CMSS1: variants seen among roughly 807,000 people sequenced by gnomAD.
The protein encoded by CMSS1 is protein CMSS1.
A neutral mutation model predicts 43.5 loss-of-function variants in CMSS1; 33 were observed. The observed-to-expected ratio is 0.76, with a 90% CI of 0.57 to 1.01. CMSS1 has a LOEUF of 1.01. CMSS1 is among the 50% of genes least tolerant of loss of function. The probability of loss-of-function intolerance (pLI) is 0.00; values close to 1 mark genes in which losing one functional copy is unlikely to be tolerated. For synonymous variants in CMSS1, 115 were observed against 117.2 expected (o/e 0.98, Z 0.12); for missense variants, 313 against 326.4 (o/e 0.96, Z 0.32).
At chr3:100,081,609 G>A (rs1252543029) in intron 1 of CMSS1, among the ~76,000 whole-genome samples, 1 of 152,172 alleles carries the variant, frequency 6.6e-6, no homozygotes, top group African/African-American at 2.4e-5. Context: ...TTGCCTCCTT[G>A]AAGTCTGCAT....
At chr3:100,109,031 C>G (rs1438829781) in intron 1 of CMSS1, among the ~76,000 whole-genome samples, 1 of 150,648 alleles carries the variant, frequency 6.6e-6, no homozygotes, top group Admixed American at 6.6e-5. Flanking sequence ...CGGTATTATA[C>G]AAGAACAGAG....
At chr3:100,083,473 G>A (rs895965013) in intron 1 of CMSS1, among the ~76,000 whole-genome samples, 12 of 152,282 alleles carry the variant, frequency 7.9e-5, no homozygotes, top group Admixed American at 2.0e-4. Flanking sequence ...CAAGCTCTCC[G>A]TCTGATTCTA....
intron 2 of CMSS1, among the ~76,000 whole-genome samples, chr3:100,152,794 T>C (rs2066932067): frequency 6.6e-6 from 1 of 152,224 alleles, no homozygotes; most frequent in South Asian, 2.1e-4. Context: ...CTAAACTTTC[T>C]ACCACTGCAT....
chr3:99,865,970 C>A (rs1944492141), intron 1 of CMSS1, among the ~76,000 whole-genome samples: 1 of 151,672 alleles, frequency 6.6e-6, no homozygotes, highest in South Asian at 2.1e-4. Context: ...TTTTCTCTTC[C>A]CAGGTCACAG....
chr3:99,962,996 C>T (rs1408136784), intron 1 of CMSS1, among the ~76,000 whole-genome samples: 1 of 152,186 alleles, frequency 6.6e-6, no homozygotes, highest in East Asian at 1.9e-4. Context: ...AGAGATTGCT[C>T]TCTTGATGGA....
chr3:99,931,633 C>G (rs931209110), intron 1 of CMSS1, among the ~76,000 whole-genome samples: 3 of 152,126 alleles, frequency 2.0e-5, no homozygotes, highest in Non-Finnish European at 4.4e-5. Flanking sequence ...TGGCTGTATT[C>G]CTGTATTCCT....
At chr3:99,987,385 G>A (rs113639012) in intron 1 of CMSS1, among the ~76,000 whole-genome samples, 11,538 of 151,236 alleles carry the variant, frequency 0.076, 556 homozygotes, top group Admixed American at 0.11. Flanking sequence ...AAAAATTAAC[G>A]GGGTGTGGTG....
intron 1 of CMSS1, among the ~76,000 whole-genome samples, chr3:100,049,024 A>G (rs2065325104): frequency 6.6e-6 from 1 of 152,216 alleles, no homozygotes; most frequent in Non-Finnish European, 1.5e-5. Context: ...GAGTATAGCA[A>G]ACAAAAGGGC....
At chr3:100,109,088 A>T (rs1348135668) in intron 1 of CMSS1, among the ~76,000 whole-genome samples, 12 of 49,108 alleles carry the variant, frequency 2.4e-4, no homozygotes, top group Non-Finnish European at 4.4e-4. Flanking sequence ...ACTGTCTCTT[A>T]AAAAAAAAAA....
chr3:100,091,329 G>A (rs1559754331), intron 1 of CMSS1, among the ~76,000 whole-genome samples: 1 of 151,960 alleles, frequency 6.6e-6, no homozygotes. Flanking sequence ...CCTTTAAGGG[G>A]TGTGCATGTA....
chr3:100,087,099 C>A (rs1015181409), intron 1 of CMSS1, among the ~76,000 whole-genome samples: 2 of 152,126 alleles, frequency 1.3e-5, no homozygotes, highest in South Asian at 4.1e-4. Flanking sequence ...AATCCAATTA[C>A]GAGTTGAAGG....
chr3:99,822,955 A>G (rs1321285999), intron 1 of CMSS1, among the ~76,000 whole-genome samples: 1 of 152,170 alleles, frequency 6.6e-6, no homozygotes, highest in East Asian at 1.9e-4. Flanking sequence ...AATTTAATTC[A>G]CCCAATACTA....
intron 1 of CMSS1, among the ~76,000 whole-genome samples, chr3:100,022,082 T>C (rs1051349348): frequency 2.0e-5 from 3 of 152,088 alleles, no homozygotes; most frequent in Non-Finnish European, 4.4e-5. Context: ...ACACACATTA[T>C]AAAATTTACA....
At chr3:99,927,393 G>T (rs1191584041) in intron 1 of CMSS1, among the ~76,000 whole-genome samples, 2 of 150,578 alleles carry the variant, frequency 1.3e-5, no homozygotes, top group Non-Finnish European at 3.0e-5. Context: ...TTTTGAGACG[G>T]AGTTTCGCTT....
At chr3:100,091,284 CAAA>C (rs570908389) in intron 1 of CMSS1, among the ~76,000 whole-genome samples, 7 of 59,086 alleles carry the variant, frequency 1.2e-4, no homozygotes, top group Admixed American at 3.4e-4. Flanking sequence ...GACTCCGTCT[CAAA>C]AAAAAAAAAA....
chr3:100,152,191 A>G (rs556257170), intron 2 of CMSS1, among the ~76,000 whole-genome samples: 1 of 151,570 alleles, frequency 6.6e-6, no homozygotes, highest in African/African-American at 2.4e-5. Context: ...TTGTCCTCCA[A>G]TTATCCTTCT....
intron 2 of CMSS1, among the ~76,000 whole-genome samples, chr3:100,156,237 G>T (rs1053000513): frequency 6.7e-6 from 1 of 149,396 alleles, no homozygotes; most frequent in Admixed American, 6.7e-5. Context: ...AGGTCCTCCT[G>T]CCTCAGCCTC....
chr3:100,148,073 T>C (rs72936581), intron 2 of CMSS1, among the ~76,000 whole-genome samples: 1 of 152,186 alleles, frequency 6.6e-6, no homozygotes, highest in African/African-American at 2.4e-5. Context: ...TCTATGTGAT[T>C]TGGGGTTTTG....
chr3:100,159,979 A>AT (rs2067009115), intron 2 of CMSS1: 28 of 452,032 alleles, frequency 6.2e-5, no homozygotes, highest in South Asian at 4.4e-4. Context: ...GGAATGTATA[A>AT]TACAAAACAA....
Sources: allele counts gnomAD v4.1 joint callset (sites outside exome capture counted in the v4.1 genomes callset), GRCh38; gene constraint gnomAD v4.1.1; transcripts MANE v1.5; gene names NCBI Gene and HGNC (gene_info 2026-07-23, HGNC 2026-07-21).